The following DEUP1 variants were observed in gnomAD, a reference collection of about 807,000 sequenced individuals.
DEUP1 encodes deuterosome assembly protein 1, also known as coiled-coil domain containing 67.
A neutral mutation model predicts 87.4 loss-of-function variants in DEUP1; 82 were observed. The ratio of observed to expected loss-of-function variants is 0.94; its 90% CI spans 0.78 to 1.13. The LOEUF is 1.13. DEUP1 is among the 50% of genes most tolerant of loss of function. DEUP1 has a pLI of 0.00. For missense variants in DEUP1, 663 were observed against 681.5 expected, an observed-to-expected ratio of 0.97 and a Z score of 0.30; for synonymous variants, 214 against 222.7, an observed-to-expected ratio of 0.96 and a Z score of 0.35.
chr11:93,354,317 C>A (rs907888367), intron 2 of DEUP1, among the ~76,000 whole-genome samples: 1 of 152,138 alleles, frequency 6.6e-6, no homozygotes, highest in Non-Finnish European at 1.5e-5. Context: ...CCTTATTGTT[C>A]ATATCACTAT....
At chr11:93,359,923 A>C (rs2134229329) in intron 4 of DEUP1, among the ~76,000 whole-genome samples, 1 of 152,204 alleles carries the variant, frequency 6.6e-6, no homozygotes, top group Middle Eastern at 3.4e-3. Context: ...TTTCATCCTC[A>C]CTAGACATTA....
chr11:93,363,943 A>G (rs898859647), intron 4 of DEUP1, among the ~76,000 whole-genome samples: 1 of 151,966 alleles, frequency 6.6e-6, no homozygotes, highest in African/African-American at 2.4e-5. Flanking sequence ...CTGTGCAGTT[A>G]ATGAATCTCG....
intron 7 of DEUP1, among the ~76,000 whole-genome samples, chr11:93,380,611 G>A (rs1228883981): frequency 6.6e-6 from 1 of 151,832 alleles, no homozygotes; most frequent in African/African-American, 2.4e-5. Context: ...CACCAAGTTA[G>A]GCAGGATGAT....
At position 93,361,835 on chromosome 11, in the gene DEUP1, C is replaced by G. The variant is rs984542746; in HGVS notation, c.298-2325C>G. On this transcript the variant is annotated intron_variant, in intron 4 of 13. Coordinates refer to ENST00000298050, the MANE Select transcript of DEUP1 (RefSeq NM_181645.4). ...ACACCAACTGAAAGACAGAGATTGA[C>G]AATAAATTAAAAAATGACAAACTCA... Among the ~76,000 whole-genome samples, 196 of 151,970 alleles carry G rather than the reference C, an allele frequency of 1.3e-3. 1 individual carries two copies. Among genetic ancestry groups the G allele is most frequent in the African/African-American group, 4.5e-3 (188 of 41,506 alleles).
chr11:93,335,794 T>C (rs1943729798), intron 2 of DEUP1, among the ~76,000 whole-genome samples: 1 of 152,200 alleles, frequency 6.6e-6, no homozygotes, highest in Admixed American at 6.5e-5. Context: ...CAAGTTTTTC[T>C]CCACATATAA....
At position 93,438,400 on chromosome 11, in the gene DEUP1, G is replaced by A. The variant is rs1345316113; in HGVS notation, c.*681G>A. On this transcript the variant is annotated 3_prime_UTR_variant, in exon 14 of 14. Coordinates refer to ENST00000298050, the MANE Select transcript of DEUP1 (RefSeq NM_181645.4). ...ACAAACAAGATAAAGGAAATATAAAGCATTACTGTTGCTACATTTTCCTTT... is the reference window on the plus strand; with the variant it reads ...ACAAACAAGATAAAGGAAATATAAAACATTACTGTTGCTACATTTTCCTTT... The A allele has an allele frequency of 2.6e-5, 4 of 152,040 alleles. No homozygotes were observed. Among genetic ancestry groups the A allele is most frequent in the African/African-American group, 4.8e-5 (2 of 41,414 alleles). The allele number at this position is 152,040 out of a possible 1,614,324, so 9.4% of individuals were successfully genotyped here.
chr11:93,421,138 C>T (rs1402277245), intron 13 of DEUP1, among the ~76,000 whole-genome samples: 1 of 32,206 alleles, frequency 3.1e-5, no homozygotes, highest in Non-Finnish European at 5.6e-5. Context: ...GCACCGTGCG[C>T]GAGCCGAAGC....
intron 7 of DEUP1, among the ~76,000 whole-genome samples, chr11:93,380,959 T>C (rs1946276255): frequency 6.6e-6 from 1 of 152,212 alleles, no homozygotes; most frequent in Non-Finnish European, 1.5e-5. Context: ...TGAAAAGATT[T>C]TGAAAAGTAA....
intron 9 of DEUP1, among the ~76,000 whole-genome samples, chr11:93,392,003 G>C (rs1946779095): frequency 6.6e-6 from 1 of 152,090 alleles, no homozygotes; most frequent in South Asian, 2.1e-4. Context: ...TGATTTCTAA[G>C]GTCATATCCA....
chr11:93,430,209 A>G (rs1948061049), intron 13 of DEUP1, among the ~76,000 whole-genome samples: 1 of 152,156 alleles, frequency 6.6e-6, no homozygotes, highest in African/African-American at 2.4e-5. Flanking sequence ...CTTAAATATT[A>G]GTGTTATTTA....
intron 2 of DEUP1, among the ~76,000 whole-genome samples, chr11:93,344,843 T>G (rs1022179691): frequency 6.6e-6 from 1 of 151,758 alleles, no homozygotes; most frequent in Non-Finnish European, 1.5e-5. Flanking sequence ...AAGGCTGTAA[T>G]TTTCCTTTTT....
At chr11:93,395,653 T>C (rs1465388449) in intron 10 of DEUP1, among the ~76,000 whole-genome samples, 1 of 152,162 alleles carries the variant, frequency 6.6e-6, no homozygotes, top group African/African-American at 2.4e-5. Flanking sequence ...ATTTACAAAA[T>C]TAAATCTTTT....
chr11:93,330,292 C>T (rs1048503223), upstream of DEUP1: 63 of 152,362 alleles, frequency 4.1e-4, no homozygotes, highest in Middle Eastern at 3.4e-3. Flanking sequence ...TGATGAACTC[C>T]CCAGCGGTTT....
At chr11:93,386,805 A>G (rs1003552670) in intron 8 of DEUP1, among the ~76,000 whole-genome samples, 5 of 152,218 alleles carry the variant, frequency 3.3e-5, no homozygotes, top group Non-Finnish European at 7.4e-5. Context: ...GTGCTGTTCC[A>G]GTATGGTGAG....
At chr11:93,381,399 A>G (rs148014847) in intron 7 of DEUP1, among the ~76,000 whole-genome samples, 191 of 152,280 alleles carry the variant, frequency 1.3e-3, no homozygotes, top group Middle Eastern at 3.4e-3. Flanking sequence ...AAAGACAACA[A>G]TTTACATCTG....
At chr11:93,370,871 T>C (rs1359315466) in intron 6 of DEUP1, among the ~76,000 whole-genome samples, 167 bp from the exon 7 acceptor site, 1 of 152,166 alleles carries the variant, frequency 6.6e-6, no homozygotes, top group Non-Finnish European at 1.5e-5. Flanking sequence ...CCATCTGAAA[T>C]TGAAATTTTA....
chr11:93,401,700 G>T (rs935840136), intron 11 of DEUP1, among the ~76,000 whole-genome samples: 3 of 151,788 alleles, frequency 2.0e-5, no homozygotes, highest in African/African-American at 7.3e-5. Flanking sequence ...ACACCCACTA[G>T]AATGACTAAA....
At chr11:93,409,362 T>C (rs1267766284) in intron 12 of DEUP1, among the ~76,000 whole-genome samples, 1 of 152,238 alleles carries the variant, frequency 6.6e-6, no homozygotes, top group Admixed American at 6.5e-5. Context: ...ATAGGCTAAG[T>C]TATTCAATTT....
At chr11:93,437,312 TC>T (rs746867984) in intron 13 of DEUP1, among the ~76,000 whole-genome samples, 1 of 152,236 alleles carries the variant, frequency 6.6e-6, no homozygotes, top group Non-Finnish European at 1.5e-5. Context: ...AATATAACAC[TC>T]ATTTGTAGAG....
Sources: allele counts gnomAD v4.1 joint callset (sites outside exome capture counted in the v4.1 genomes callset), GRCh38; gene constraint gnomAD v4.1.1; transcripts MANE v1.5; gene names NCBI Gene and HGNC (gene_info 2026-07-23, HGNC 2026-07-21).